PACS2: variants seen among roughly 807,000 people sequenced by gnomAD.
PACS2 encodes phosphofurin acidic cluster sorting protein 2, also known as PACS1-like protein.
A neutral mutation model predicts 113.0 loss-of-function variants in PACS2; 36 were observed. The ratio of observed to expected loss-of-function variants is 0.32; its 90% CI spans 0.24 to 0.42. The LOEUF (loss-of-function observed/expected upper bound fraction) is 0.42. PACS2 is among the 10% of genes least tolerant of loss of function. The pLI, the probability that PACS2 is intolerant of heterozygous loss-of-function variation, is 1.00. For synonymous variants in PACS2, 589 were observed against 536.1 expected, an observed-to-expected ratio of 1.10 and a Z score of -1.36; for missense variants, 1,015 against 1,239.5, an observed-to-expected ratio of 0.82 and a Z score of 2.72.
intron 1 of PACS2, among the ~76,000 whole-genome samples, chr14:105,333,732 A>G (rs74599004): frequency 0.12 from 17,597 of 152,228 alleles, 3,456 homozygotes; most frequent in African/African-American, 0.4. Context: ...AAAGGTCCAC[A>G]CAGACCCAGG....
intron 8 of PACS2, among the ~76,000 whole-genome samples, chr14:105,373,787 C>G (rs1458733956): frequency 7.3e-6 from 1 of 137,478 alleles, no homozygotes; most frequent in Non-Finnish European, 1.6e-5. Context: ...GACCCTGTCT[C>G]AAAAAAAAAA....
rs1184031543 is a variant in PACS2, at chr14:105,348,709, G to A, written c.207+129G>A. 6 of 703,338 alleles carry A rather than the reference G, an allele frequency of 8.5e-6. No individual in the cohort carries two copies. The highest frequency in any genetic ancestry group is 7.1e-5 in the African/African-American group (4 of 56,256). 43.6% of individuals were successfully genotyped at this position (703,338 alleles called of 1,614,324 possible). A position where few individuals can be genotyped will look rare whatever the true frequency, so the allele number is the denominator to read the frequency against. On this transcript the variant is annotated intron_variant, in intron 2 of 24. Transcript: ENST00000447393. The surrounding 1 kb of genome is among the most constrained non-coding windows in gnomAD (Gnocchi z 6.4). ...ACAGCGGGCAGCCCATGCCATCTCC[G>A]GGAGCCCGGGGGGCTGGGAATGACA...
intron 1 of PACS2, among the ~76,000 whole-genome samples, chr14:105,325,020 C>T (rs756728516): frequency 9.9e-5 from 15 of 152,156 alleles, no homozygotes; most frequent in Admixed American, 2.6e-4. Flanking sequence ...GCTCCACTGC[C>T]CCAACCAGCC....
chr14:105,378,526 C>G (rs1287774098), intron 9 of PACS2, among the ~76,000 whole-genome samples: 2 of 152,258 alleles, frequency 1.3e-5, no homozygotes, highest in African/African-American at 4.8e-5. Flanking sequence ...TCTCCCACCT[C>G]AGCCTCCTCA....
At chr14:105,379,276 G>A (rs1486936461) in intron 9 of PACS2, among the ~76,000 whole-genome samples, 1 of 152,226 alleles carries the variant, frequency 6.6e-6, no homozygotes. Flanking sequence ...TGGTGGGTCC[G>A]GAAGGGCCTG....
chr14:105,347,145 T>C (rs1282519162), intron 1 of PACS2, among the ~76,000 whole-genome samples: 7 of 148,156 alleles, frequency 4.7e-5, no homozygotes, highest in African/African-American at 1.8e-4. Flanking sequence ...TCTCAGCAGC[T>C]CAGTGGAGTG....
At chr14:105,334,183 A>T (rs893220792) in intron 1 of PACS2, among the ~76,000 whole-genome samples, 2 of 152,194 alleles carry the variant, frequency 1.3e-5, no homozygotes, top group Admixed American at 1.3e-4. Flanking sequence ...CGTTGGGCTC[A>T]TCTGTCTGCC....
intron 24 of PACS2, 75 bp downstream of exon 24, chr14:105,393,410 C>T (rs1488808844): frequency 3.1e-6 from 3 of 962,986 alleles, no homozygotes; most frequent in Non-Finnish European, 4.8e-6. Context: ...TGGAGCCCAG[C>T]CTAGGAGCTG....
At chr14:105,367,747 C>A (rs2060989883) in intron 5 of PACS2, among the ~76,000 whole-genome samples, 2 of 152,236 alleles carry the variant, frequency 1.3e-5, no homozygotes, top group Non-Finnish European at 2.9e-5. Context: ...CCCTACTCCT[C>A]AGGCGGGGGA....
chr14:105,321,494 C>G (rs1280555087), intron 1 of PACS2, among the ~76,000 whole-genome samples: 1 of 152,064 alleles, frequency 6.6e-6, no homozygotes, highest in Non-Finnish European at 1.5e-5. Context: ...TCCCGAGTAG[C>G]TGGGACTACA....
At chr14:105,367,792 G>A (rs1555408317) in intron 5 of PACS2, among the ~76,000 whole-genome samples, 1 of 152,242 alleles carries the variant, frequency 6.6e-6, no homozygotes, top group East Asian at 1.9e-4. Context: ...TGAAATGCCA[G>A]CTGGCAGGAG....
Position 105,348,369 on chromosome 14 carries a change from C to T in PACS2, c.120-124C>T, listed in dbSNP as rs931973275. 5.2e-5 allele frequency: 35 copies of T among 667,400 alleles called. No individual in the cohort carries two copies. The highest frequency in any genetic ancestry group is 7.8e-5 in the Non-Finnish European group (30 of 385,708). The allele number at this position is 667,400 out of a possible 1,614,324, so 41.3% of individuals were successfully genotyped here. ...CTGTGAGGTCCTGGGGCCGCCCAGG[C>T]AGTCACACCCCGCCCTGCACCCCAG... On this transcript the variant is annotated intron_variant, in intron 1 of 24. Coordinates refer to ENST00000447393, the MANE Select transcript of PACS2 (RefSeq NM_001100913.3). The surrounding 1 kb of genome is among the most constrained non-coding windows in gnomAD (Gnocchi z 6.4).
chr14:105,353,544 A>T (rs1398479821), intron 3 of PACS2, among the ~76,000 whole-genome samples: 1 of 152,086 alleles, frequency 6.6e-6, no homozygotes, highest in Admixed American at 6.5e-5. Context: ...TTCTTAAATG[A>T]TTAGAAGATT....
Position 105,366,779 on chromosome 14 carries a change from G to T in PACS2, c.424-434G>T, listed in dbSNP as rs2060956536. On this transcript the variant is annotated intron_variant, in intron 4 of 24. Transcript: ENST00000447393. The surrounding 1 kb of genome is among the most constrained non-coding windows in gnomAD (Gnocchi z 4.3). ...TTGCTGCTGCTGAGCTCTTGGGTGG[G>T]TGGAGGGTGGAGGCAGGGTTGGAGC... Among the ~76,000 whole-genome samples, 1 of 152,214 alleles carries T rather than the reference G, an allele frequency of 6.6e-6. No homozygotes were observed. Among genetic ancestry groups the T allele is most frequent in the African/African-American group, 2.4e-5 (1 of 41,456 alleles).
At chr14:105,368,309 C>T in intron 6 of PACS2, 150 bp from the exon 7 acceptor site, 1 of 805,246 alleles carries the variant, frequency 1.2e-6, no homozygotes, top group Non-Finnish European at 2.1e-6. Flanking sequence ...CCCCAGGGGC[C>T]CGAGTTTATG....
At chr14:105,325,522 C>T (rs984014423) in intron 1 of PACS2, among the ~76,000 whole-genome samples, 2 of 152,238 alleles carry the variant, frequency 1.3e-5, no homozygotes, top group African/African-American at 4.8e-5. Context: ...CCCCATCCAG[C>T]CCGTGTCCTA....
In PACS2 at chr14:105,361,809, T is replaced by G. The variant is rs2060694120; in HGVS notation, c.424-5404T>G. Among the ~76,000 whole-genome samples, 3 of 151,862 alleles carry G rather than the reference T, an allele frequency of 2.0e-5. No homozygotes were observed. In the South Asian group the frequency reaches 6.2e-4, roughly 32 times the overall value. ...TACTAAAAATACAAAATTAGCTGGG[T>G]GTGGTGGCACATGCCTGTAATTCCA... On this transcript the variant is annotated intron_variant, in intron 4 of 24. Coordinates refer to ENST00000447393, the MANE Select transcript of PACS2 (RefSeq NM_001100913.3).
chr14:105,389,983 A>G lies in PACS2; in HGVS notation c.2056A>G (p.Lys686Glu). 6.2e-7 allele frequency: 1 copy of G among 1,613,984 alleles called. No individual in the cohort carries two copies. Among genetic ancestry groups the G allele is most frequent in the South Asian group, 1.1e-5 (1 of 91,078 alleles). Residue 686 changes from lysine (K) to glutamate (E), a missense_variant, in exon 20 of 25, where the codon AAG becomes GAG. Lys to Glu is a moderately conservative substitution (Grantham distance 56). Transcript: ENST00000447393. ...TLSPDEESSQ[K>E]FIPFVGVVKV... ...TAGCCCTGACGAAGAGTCCTCCCAA[A>G]AGTTCATTCCCTTTGTCGGGGTGAG... is the stretch of plus-strand genomic sequence containing the variant.
At chr14:105,326,989 A>T (rs2059134882) in intron 1 of PACS2, among the ~76,000 whole-genome samples, 1 of 152,124 alleles carries the variant, frequency 6.6e-6, no homozygotes, top group African/African-American at 2.4e-5. Flanking sequence ...TTGGAAAGTT[A>T]AGTCACTACA....
Sources: allele counts gnomAD v4.1 joint callset (sites outside exome capture counted in the v4.1 genomes callset), GRCh38; gene constraint gnomAD v4.1.1; non-coding constraint Gnocchi (gnomAD v3.1); transcripts MANE v1.5; gene names NCBI Gene and HGNC (gene_info 2026-07-23, HGNC 2026-07-21).